The following CADM2 variants were observed in gnomAD, a reference collection of about 807,000 sequenced individuals.
CADM2 encodes cell adhesion molecule 2.
Under a neutral mutation model 49.8 loss-of-function variants are expected in CADM2, and 12 were observed. The observed-to-expected ratio is 0.24, with a 90% CI of 0.15 to 0.39. CADM2 has a LOEUF of 0.39. CADM2 is among the 10% of genes least tolerant of loss of function. CADM2 has a pLI of 1.00. For missense variants in CADM2, 378 were observed against 492.3 expected, an observed-to-expected ratio of 0.77 and a Z score of 2.20; for synonymous variants, 214 against 175.4, an observed-to-expected ratio of 1.22 and a Z score of -1.74.
intron 1 of CADM2, among the ~76,000 whole-genome samples, chr3:85,356,942 C>A (rs1472509972): frequency 2.0e-5 from 3 of 152,064 alleles, no homozygotes; most frequent in Admixed American, 6.6e-5. Context: ...ATATCACTGA[C>A]CTTCCACTCA....
intron 1 of CADM2, among the ~76,000 whole-genome samples, chr3:85,448,239 A>G (rs547509022): frequency 1.3e-5 from 2 of 151,400 alleles, no homozygotes; most frequent in South Asian, 4.2e-4. Context: ...AGGCTGAGGC[A>G]GGAGAATGGC....
intron 1 of CADM2, among the ~76,000 whole-genome samples, chr3:85,116,047 C>T (rs1198181936): frequency 6.6e-6 from 1 of 152,214 alleles, no homozygotes; most frequent in Non-Finnish European, 1.5e-5. Context: ...TGTGCGTGGG[C>T]CAGGCACAGT....
chr3:85,638,091 G>A (rs2064573202), intron 1 of CADM2, among the ~76,000 whole-genome samples: 1 of 152,110 alleles, frequency 6.6e-6, no homozygotes, highest in Non-Finnish European at 1.5e-5. Flanking sequence ...GCATAGTTCA[G>A]TAAATGTTGA....
intron 1 of CADM2, among the ~76,000 whole-genome samples, chr3:85,035,585 G>A (rs748518123): frequency 2.0e-5 from 3 of 151,950 alleles, no homozygotes; most frequent in Admixed American, 1.3e-4. Context: ...ATCCATTTTC[G>A]TTTGATTTTT....
chr3:85,261,705 T>C (rs533921470), intron 1 of CADM2, among the ~76,000 whole-genome samples: 3 of 152,268 alleles, frequency 2.0e-5, no homozygotes, highest in Middle Eastern at 3.4e-3. Context: ...TGAGATAGTA[T>C]ATAAATTCCC....
intron 3 of CADM2, among the ~76,000 whole-genome samples, chr3:85,845,131 G>T (rs2074819275): frequency 7.1e-6 from 1 of 140,740 alleles, no homozygotes; most frequent in Non-Finnish European, 1.5e-5. Flanking sequence ...ACTTCAGCCT[G>T]AGTGACAAAC....
At chr3:85,754,033 A>G (rs2068983578) in intron 2 of CADM2, among the ~76,000 whole-genome samples, 1 of 152,156 alleles carries the variant, frequency 6.6e-6, no homozygotes. Context: ...GGCTGTCTGC[A>G]TACGCAGTGG....
At chr3:85,220,991 G>A (rs984314910) in intron 1 of CADM2, among the ~76,000 whole-genome samples, 6 of 152,156 alleles carry the variant, frequency 3.9e-5, no homozygotes, top group African/African-American at 1.4e-4. Context: ...ATTGTTAGAT[G>A]TCTTTAAGAG....
chr3:85,672,838 T>C (rs1271381211), intron 1 of CADM2, among the ~76,000 whole-genome samples: 1 of 152,192 alleles, frequency 6.6e-6, no homozygotes, highest in Non-Finnish European at 1.5e-5. Context: ...ATGCACAGAT[T>C]TTTCATTTTT....
intron 1 of CADM2, among the ~76,000 whole-genome samples, chr3:85,480,899 C>T (rs887643195): frequency 6.6e-6 from 1 of 151,548 alleles, no homozygotes; most frequent in Non-Finnish European, 1.5e-5. Context: ...TTGGGGTTAT[C>T]CTTAAAATTC....
chr3:85,587,883 T>C (rs1401555387), intron 1 of CADM2, among the ~76,000 whole-genome samples: 1 of 152,016 alleles, frequency 6.6e-6, no homozygotes, highest in Admixed American at 6.6e-5. Context: ...TAGCTGGAAC[T>C]ACAGACACGC....
chr3:85,311,407 G>T (rs1170122070), intron 1 of CADM2, among the ~76,000 whole-genome samples: 1 of 149,218 alleles, frequency 6.7e-6, no homozygotes, highest in Non-Finnish European at 1.5e-5. Flanking sequence ...ACGGAGTCTC[G>T]CTCTGTCACC....
In CADM2 at chr3:85,290,296, G is replaced by A. The variant is rs919556901; in HGVS notation, c.61+330628G>A. 4.2e-4 allele frequency among the ~76,000 whole-genome samples: 64 copies of A among 152,080 alleles called. 1 individual carries two copies. Among genetic ancestry groups the A allele is most frequent in the Admixed American group, 3.5e-3 (54 of 15,270 alleles). On this transcript the variant is annotated intron_variant, in intron 1 of 9. Transcript: ENST00000383699. Reference sequence around the variant, plus strand: ...CTGGCTCGGAGGGTCCTACGCCCACGGAATCTTGCTGATTGCTAGCACAGC... The same window carrying A: ...CTGGCTCGGAGGGTCCTACGCCCACAGAATCTTGCTGATTGCTAGCACAGC...
At chr3:84,998,542 A>G (rs1405647795) in intron 1 of CADM2, among the ~76,000 whole-genome samples, 2 of 152,164 alleles carry the variant, frequency 1.3e-5, no homozygotes, top group Admixed American at 1.3e-4. Context: ...CAAAGAGTGA[A>G]ATTTTATTTT....
At chr3:85,410,590 A>G (rs774607977) in intron 1 of CADM2, among the ~76,000 whole-genome samples, 4 of 152,206 alleles carry the variant, frequency 2.6e-5, no homozygotes, top group Non-Finnish European at 5.9e-5. Context: ...ATTGGATTAA[A>G]CAAGCTAGTA....
rs147548012 is a variant in CADM2 at position 85,755,059 on chromosome 3, G to A, written c.88+28511G>A. The stretch of plus-strand genomic sequence containing the variant: ...TACAAAAACTCTCTGGCACCAACTG[G>A]ACGTCCTACAATTTAACTCAATTCT... On this transcript the variant is annotated intron_variant, in intron 2 of 9. Transcript: ENST00000383699. Among the ~76,000 whole-genome samples the A allele has an allele frequency of 5.5e-3, 830 of 152,202 alleles. 7 individuals are homozygous for A. Among genetic ancestry groups the A allele is most frequent in the African/African-American group, 0.018 (765 of 41,518 alleles).
At chr3:85,707,800 T>C (rs1242360491) in intron 1 of CADM2, among the ~76,000 whole-genome samples, 1 of 152,194 alleles carries the variant, frequency 6.6e-6, no homozygotes, top group Admixed American at 6.5e-5. Context: ...TTAATCTTTC[T>C]AACAGCATGT....
At chr3:85,406,510 T>G (rs1325148985) in intron 1 of CADM2, among the ~76,000 whole-genome samples, 1 of 152,182 alleles carries the variant, frequency 6.6e-6, no homozygotes, top group Non-Finnish European at 1.5e-5. Context: ...TTATAATCCT[T>G]GCTGTACGTG....
At chr3:85,785,906 A>T (rs1333577909) in intron 2 of CADM2, among the ~76,000 whole-genome samples, 1 of 152,140 alleles carries the variant, frequency 6.6e-6, no homozygotes, top group Non-Finnish European at 1.5e-5. Flanking sequence ...AGTACATAGC[A>T]ACTTCCTCAG....
Sources: gnomAD v4.1 joint callset for allele counts (sites outside exome capture counted in the v4.1 genomes callset) on GRCh38, gnomAD v4.1.1 for gene constraint, MANE v1.5 for transcripts, NCBI Gene and HGNC (gene_info 2026-07-23, HGNC 2026-07-21) for gene names.